The following PLEKHG2 variants were observed in gnomAD, a reference collection of about 807,000 sequenced individuals.
PLEKHG2 encodes the protein pleckstrin homology domain-containing family G member 2.
A neutral mutation model predicts 104.4 loss-of-function variants in PLEKHG2; 71 were observed. That is an observed-to-expected ratio of 0.68 (90% CI 0.56 to 0.83). The LOEUF (loss-of-function observed/expected upper bound fraction) is 0.83, where lower values mean the gene tolerates loss of function less well. PLEKHG2 is among the 40% of genes least tolerant of loss of function. The pLI is 0.00. For synonymous variants in PLEKHG2, 728 were observed against 737.0 expected, an observed-to-expected ratio of 0.99 and a Z score of 0.20; for missense variants, 1,730 against 1,809.4, an observed-to-expected ratio of 0.96 and a Z score of 0.80.
chr19:39,427,771 T>C lies in PLEKHG2; in HGVS notation c.*2477T>C, dbSNP rs2078798969. 1 of 152,762 alleles carries C rather than the reference T, an allele frequency of 6.5e-6. No homozygotes were observed. The highest frequency in any genetic ancestry group is 1.5e-5 in the Non-Finnish European group (1 of 68,062). 9.5% of individuals were successfully genotyped at this position (152,762 alleles called of 1,614,324 possible). On this transcript the variant is annotated 3_prime_UTR_variant, in exon 19 of 19. Coordinates refer to ENST00000425673, the MANE Select transcript of PLEKHG2 (RefSeq NM_022835.3). ...TACATTCCTAATATGCAAGTGAGCATGTTTTTTAATCCTCAGTCTAGAGGT... is the reference window on the plus strand; with the variant it reads ...TACATTCCTAATATGCAAGTGAGCACGTTTTTTAATCCTCAGTCTAGAGGT...
chr19:39,417,226 C>T (rs770114667), intron 7 of PLEKHG2, among the ~76,000 whole-genome samples: 13 of 151,646 alleles, frequency 8.6e-5, no homozygotes, highest in Non-Finnish European at 2.9e-5. Context: ...GATCTTGGCT[C>T]ACTGCAACCT....
intron 9 of PLEKHG2, 80 bp from the exon 10 acceptor site, chr19:39,418,653 AC>A (rs2145993726): frequency 8.9e-7 from 1 of 1,124,674 alleles, no homozygotes; most frequent in South Asian, 1.4e-5. Flanking sequence ...GGACCCAGAT[AC>A]ACCTCCAAGG....
At position 39,424,133 on chromosome 19, in the gene PLEKHG2, A is replaced by G. The variant is rs778294214; in HGVS notation, c.3000A>G (p.Pro1000=). ...EHRSHMVIPA[P]STAFCPEQGH... ...GAAGTCACATGGTTATACCAGCTCC[A>G]TCCACCGCCTTTTGTCCTGAGCAGG... The change falls in exon 19 of 19, where the codon CCA becomes CCG. Residue 1000 remains proline (P), a synonymous_variant. Coordinates refer to ENST00000425673, the MANE Select transcript of PLEKHG2 (RefSeq NM_022835.3). 8.7e-6 allele frequency: 14 copies of G among 1,613,918 alleles called. No homozygotes were observed. The Admixed American group carries it at 1.5e-4, about 17-fold the overall frequency.
rs200942258 is a variant in PLEKHG2, at chr19:39,424,750, C to A, written c.3617C>A (p.Ala1206Asp). 4.6e-5 allele frequency: 74 copies of A among 1,614,190 alleles called. No homozygotes were observed. In the East Asian group the frequency reaches 1.6e-3, roughly 34 times the overall value. Residue 1206 changes from alanine (A) to aspartate (D), a missense_variant, in exon 19 of 19, where the codon GCC becomes GAC. Transcript: ENST00000425673. The part of the protein sequence containing the change: ...PSLEQKSLID[A>D]HVPAATPLPE... Reference sequence around the variant, plus strand: ...TTGGAGCAGAAGAGCCTCATAGATGCCCATGTTCCAGCTGCCACACCTTTA... The same window carrying A: ...TTGGAGCAGAAGAGCCTCATAGATGACCATGTTCCAGCTGCCACACCTTTA...
rs770353049 is a variant in PLEKHG2, at chr19:39,418,747, G to A, written c.1097G>A (p.Ser366Asn). The change falls in exon 10 of 19, where the codon AGC becomes AAC. Residue 366 changes from serine (S) to asparagine (N), a missense_variant. Coordinates refer to ENST00000425673, the MANE Select transcript of PLEKHG2 (RefSeq NM_022835.3). The stretch of plus-strand genomic sequence containing the variant: ...CTTTCCTTCCAGTGCTGCAACCTGA[G>A]CGTGAGCGAGAGTCCCCGAGACCCT... ...YKGHIFCCNL[S>N]VSESPRDPLG... 3.0e-5 allele frequency: 48 copies of A among 1,612,930 alleles called. No homozygotes were observed. Among genetic ancestry groups the A allele is most frequent in the Middle Eastern group, 3.3e-4 (2 of 6,060 alleles).
intron 11 of PLEKHG2, 77 bp from the exon 12 acceptor site, chr19:39,420,549 G>C: frequency 6.3e-7 from 1 of 1,592,862 alleles, no homozygotes; most frequent in South Asian, 1.1e-5. Flanking sequence ...TAATGGGCAT[G>C]ACTACGGTGC....
chr19:39,418,247 T>C (rs1279846519), intron 9 of PLEKHG2, 142 bp downstream of exon 9: 10 of 744,070 alleles, frequency 1.3e-5, no homozygotes, highest in Non-Finnish European at 1.9e-5. Context: ...GGAAGCTTTC[T>C]TTCTAGTGTA....
rs372499583 is a variant in PLEKHG2 at position 39,416,384 on chromosome 19, C to T, written c.516C>T (p.Ala172=). ...AGGACTTGGAGAACAGCAGCAGCGC[C>T]GGGGGTATTGCCGAGTGCTTCGTGC... The part of the protein sequence containing the change: ...LLEDLENSSS[A]GGIAECFVQR... The change falls in exon 5 of 19, where the codon GCC becomes GCT. Residue 172 remains alanine, a synonymous_variant. Coordinates refer to ENST00000425673, the MANE Select transcript of PLEKHG2 (RefSeq NM_022835.3). The surrounding 1 kb of genome is among the most constrained non-coding windows in gnomAD (Gnocchi z 4.5). 1.6e-5 allele frequency: 25 copies of T among 1,612,562 alleles called. No homozygotes were observed. The East Asian group carries it at 2.0e-4, about 13-fold the overall frequency.
intron 10 of PLEKHG2, 22 bp from the exon 11 acceptor site, chr19:39,418,895 C>G: frequency 5.0e-6 from 8 of 1,604,818 alleles, no homozygotes; most frequent in Non-Finnish European, 6.0e-6. Flanking sequence ...GGCCCCCTGA[C>G]TCTACTCCAA....
chr19:39,417,900 G>A lies in PLEKHG2; in HGVS notation c.883-5G>A, dbSNP rs770695734. 1.0e-5 allele frequency: 16 copies of A among 1,537,886 alleles called. No individual in the cohort carries two copies. Among genetic ancestry groups the A allele is most frequent in the South Asian group, 1.2e-5 (1 of 83,392 alleles). ...GCCCCGGCGCACCTGGCGGGGTCCC[G>A]GCAGGAAGTGCAGCGGCGGCTGGGT... On this transcript the variant is annotated splice_region_variant and splice_polypyrimidine_tract_variant and intron_variant, in intron 8 of 18. Coordinates refer to ENST00000425673, the MANE Select transcript of PLEKHG2 (RefSeq NM_022835.3).
Position 39,415,218 on chromosome 19 carries a change from G to A in PLEKHG2, c.336G>A (p.Glu112=). ...AGCGTGTGGCCCGGGAGATCGTGGA[G>A]ACAGAACGGGCCTATGTCAGGGACC... ...RLERVAREIV[E]TERAYVRDLR... The change falls in exon 3 of 19, where the codon GAG becomes GAA. Residue 112 remains glutamate, a synonymous_variant. Coordinates refer to ENST00000425673, the MANE Select transcript of PLEKHG2 (RefSeq NM_022835.3). This position sits in a 1 kb window ranked among gnomAD's most constrained non-coding sequence, Gnocchi z 4.6. 3 of 1,583,680 alleles carry A rather than the reference G, an allele frequency of 1.9e-6. No individual in the cohort carries two copies. Among genetic ancestry groups the A allele is most frequent in the Non-Finnish European group, 2.6e-6 (3 of 1,164,132 alleles).
In PLEKHG2 at chr19:39,425,582, A is replaced by C; in HGVS notation, c.*288A>C. On this transcript the variant is annotated 3_prime_UTR_variant, in exon 19 of 19. Transcript: ENST00000425673. Reference sequence around the variant, plus strand: ...AAGACAATGAATGGGAAGGTCTGACACAGAACAAATCAGCGGTTCTGAAAG... The same window carrying C: ...AAGACAATGAATGGGAAGGTCTGACCCAGAACAAATCAGCGGTTCTGAAAG... 1 of 451,442 alleles carries C rather than the reference A, an allele frequency of 2.2e-6. No homozygotes were observed. Among genetic ancestry groups the C allele is most frequent in the Non-Finnish European group, 3.8e-6 (1 of 264,976 alleles). 28.0% of individuals were successfully genotyped at this position (451,442 alleles called of 1,614,324 possible).
Position 39,416,178 on chromosome 19 carries a change from C to T in PLEKHG2, c.480-170C>T, listed in dbSNP as rs2078599646. 6.6e-6 allele frequency among the ~76,000 whole-genome samples: 1 copy of T among 152,126 alleles called. No homozygotes were observed. The highest frequency in any genetic ancestry group is 6.5e-5 in the Admixed American group (1 of 15,278). On this transcript the variant is annotated intron_variant, in intron 4 of 18. Coordinates refer to ENST00000425673, the MANE Select transcript of PLEKHG2 (RefSeq NM_022835.3). The surrounding 1 kb of genome is among the most constrained non-coding windows in gnomAD (Gnocchi z 4.5). ...CAAAGTCTAAGCAGGTTACCATGCC[C>T]CGTGTAGCCCTCAGAGGACCCTTCC...
intron 10 of PLEKHG2, 28 bp from the exon 11 acceptor site, chr19:39,418,889 C>T (rs1190732483): frequency 1.2e-6 from 2 of 1,601,068 alleles, no homozygotes; most frequent in Middle Eastern, 1.7e-4. Flanking sequence ...ACACCTGGCC[C>T]CCTGACTCTA....
chr19:39,414,433 G>T (rs2078569071), intron 2 of PLEKHG2, among the ~76,000 whole-genome samples: 1 of 152,216 alleles, frequency 6.6e-6, no homozygotes, highest in East Asian at 1.9e-4. Context: ...TCCTGGAGGT[G>T]GGAACATCTC....
Position 39,418,022 on chromosome 19 carries a change from G to T in PLEKHG2, c.1000G>T (p.Glu334Ter). 1 of 1,561,762 alleles carries T rather than the reference G, an allele frequency of 6.4e-7. No individual in the cohort carries two copies. The highest frequency in any genetic ancestry group is 2.3e-5 in the East Asian group (1 of 43,930). ...GGGTGGCCCCCGGCTACGAGGGGGT[G>T]AGCGGCTGCTCTTCCTGTTCTCTCG... ...GGGGPRLRGG[E>*]RLLFLFSRML... Residue 334 changes from glutamate (E) to a stop codon, truncating the protein, a stop_gained, in exon 9 of 19, where the codon GAG becomes TAG. Coordinates refer to ENST00000425673, the MANE Select transcript of PLEKHG2 (RefSeq NM_022835.3). LOFTEE classifies it high-confidence loss of function.
chr19:39,423,822 G>C lies in PLEKHG2; in HGVS notation c.2689G>C (p.Val897Leu), dbSNP rs1471636262. Residue 897 changes from valine (V) to leucine (L), a missense_variant, in exon 19 of 19, where the codon GTC (valine) becomes CTC (leucine). Val to Leu is a conservative substitution (Grantham distance 32). Coordinates refer to ENST00000425673, the MANE Select transcript of PLEKHG2 (RefSeq NM_022835.3). ...GGAGTCTGTCCCCCTGGGTCCTGCT[G>C]TCTGGGTTCAAGCTGCCATACCTTT... The part of the protein sequence containing the change: ...AQESVPLGPA[V>L]WVQAAIPLSK... The C allele has an allele frequency of 4.3e-6, 7 of 1,614,202 alleles. No homozygotes were observed. The highest frequency in any genetic ancestry group is 2.2e-5 in the East Asian group (1 of 44,882).
Position 39,426,433 on chromosome 19 carries a change from C to T in PLEKHG2, c.*1139C>T, listed in dbSNP as rs1047906126. The T allele has an allele frequency of 6.6e-6, 1 of 152,266 alleles. No individual in the cohort carries two copies. The highest frequency in any genetic ancestry group is 2.4e-5 in the African/African-American group (1 of 41,466). The allele number at this position is 152,266 out of a possible 1,614,324, so 9.4% of individuals were successfully genotyped here. On this transcript the variant is annotated 3_prime_UTR_variant, in exon 19 of 19. Coordinates refer to ENST00000425673, the MANE Select transcript of PLEKHG2 (RefSeq NM_022835.3). ...TTTTATGTTAGGTTCTGTCTGCCCC[C>T]TTGTTCCAGCAGTGGTATGCCCAGT...
In PLEKHG2 at chr19:39,423,895, A is replaced by G. The variant is rs2078741872; in HGVS notation, c.2762A>G (p.Asn921Ser). The change falls in exon 19 of 19, where the codon AAT (asparagine) becomes AGT (serine). Residue 921 changes from asparagine to serine, a missense_variant. Transcript: ENST00000425673. ...SPDGQGLHVS[N>S]LPKQDLPGIH... ...GATGGCCAGGGTCTACATGTTTCCA[A>G]TTTGCCTAAGCAAGACCTTCCGGGC... The G allele has an allele frequency of 5.0e-6, 8 of 1,614,008 alleles. No homozygotes were observed. The highest frequency in any genetic ancestry group is 5.9e-6 in the Non-Finnish European group (7 of 1,180,030).
Sources: allele counts gnomAD v4.1 joint callset (sites outside exome capture counted in the v4.1 genomes callset), GRCh38; gene constraint gnomAD v4.1.1; non-coding constraint Gnocchi (gnomAD v3.1); transcripts MANE v1.5; gene names NCBI Gene and HGNC (gene_info 2026-07-23, HGNC 2026-07-21).